The following SYNPO2 variants were observed in gnomAD, a reference collection of about 807,000 sequenced individuals.
The protein encoded by SYNPO2 is synaptopodin 2, also known as synaptopodin-2.
A neutral mutation model predicts 85.0 loss-of-function variants in SYNPO2; 56 were observed. The observed-to-expected ratio is 0.66, with a 90% confidence interval of 0.53 to 0.82. SYNPO2 has a LOEUF of 0.82. Among genes scored for constraint, SYNPO2 ranks in the 40% least tolerant of loss-of-function variants. The pLI, the probability that SYNPO2 is intolerant of heterozygous loss-of-function variation, is 0.00. For synonymous variants in SYNPO2, 602 were observed against 591.1 expected, an observed-to-expected ratio of 1.02 and a Z score of -0.27; for missense variants, 1,575 against 1,534.2, an observed-to-expected ratio of 1.03 and a Z score of -0.44.
rs1161212819 is a variant in SYNPO2, at chr4:119,057,915, GA to G, written c.3768del (p.Trp1257GlyfsTer8). ...TACAACTACAACCCACACCCAAGGG[GA>G]TGGAGACGCCAAACATGAAAGTTAG... is the stretch of plus-strand genomic sequence containing the variant. ...ADYNYNPHPR[G>X]WRRQT is the part of the protein sequence containing the mutation. On this transcript the variant is annotated frameshift_variant, in exon 5 of 5. Transcript: ENST00000307142. LOFTEE classifies it high-confidence loss of function. 3 of 1,611,100 alleles carry G rather than the reference GA, an allele frequency of 1.9e-6. No individual in the cohort carries two copies. The African/African-American group carries it at 4.0e-5, about 22-fold the overall frequency.
At chr4:118,885,558 T>C (rs1167799158), upstream of SYNPO2, among the ~76,000 whole-genome samples, 1 of 151,606 alleles carries the variant, frequency 6.6e-6, no homozygotes, top group African/African-American at 2.4e-5. Context: ...CTGCAACCTC[T>C]GCCTCCCAGG....
At chr4:118,939,977 C>CTT (rs111485944) in intron 1 of SYNPO2, among the ~76,000 whole-genome samples, 41 of 119,720 alleles carry the variant, frequency 3.4e-4, no homozygotes, top group African/African-American at 1.1e-3. Flanking sequence ...TTTCTCTCTT[C>CTT]TTTTTTTTTT....
intron 1 of SYNPO2, among the ~76,000 whole-genome samples, chr4:118,992,960 C>G (rs1418447703): frequency 6.6e-6 from 1 of 152,152 alleles, no homozygotes; most frequent in Admixed American, 6.5e-5. Flanking sequence ...AAAGAGAAAG[C>G]ATTCTCTACT....
chr4:118,954,995 A>ATTTT (rs143188478), intron 1 of SYNPO2, among the ~76,000 whole-genome samples: 1 of 131,024 alleles, frequency 7.6e-6, no homozygotes, highest in African/African-American at 2.9e-5. Context: ...ATTCTGTGCA[A>ATTTT]TTTTTTTTTT....
At chr4:118,979,455 T>TA (rs1735923669) in intron 1 of SYNPO2, among the ~76,000 whole-genome samples, 1 of 152,220 alleles carries the variant, frequency 6.6e-6, no homozygotes, top group East Asian at 1.9e-4. Context: ...AATCATATAC[T>TA]ACCATCTTGT....
intron 1 of SYNPO2, among the ~76,000 whole-genome samples, chr4:118,912,953 A>G (rs1578543714): frequency 6.6e-6 from 1 of 152,194 alleles, no homozygotes; most frequent in African/African-American, 2.4e-5. Flanking sequence ...AGTTGGGTCT[A>G]TGACCATTAG....
intron 1 of SYNPO2, among the ~76,000 whole-genome samples, chr4:118,924,458 C>T (rs1301174731): frequency 6.6e-6 from 1 of 152,184 alleles, no homozygotes; most frequent in Non-Finnish European, 1.5e-5. Context: ...TTTCCCCAAA[C>T]ATGCATTCTG....
At chr4:118,944,285 G>C (rs1363273114) in intron 1 of SYNPO2, among the ~76,000 whole-genome samples, 1 of 152,110 alleles carries the variant, frequency 6.6e-6, no homozygotes, top group East Asian at 1.9e-4. Context: ...ATTCATTGCA[G>C]TTTGCCTGGG....
At position 118,906,874 on chromosome 4, in the gene SYNPO2, G is replaced by A. The variant is rs1732954506; in HGVS notation, c.105+17733G>A. ...AGTTTGCCCAGGCTGGACTGTAGTG[G>A]CACCATCATAGCTCACTACAGCCTC... On this transcript the variant is annotated intron_variant, in intron 1 of 4. Coordinates refer to ENST00000307142, the MANE Select transcript of SYNPO2 (RefSeq NM_133477.3). Among the ~76,000 whole-genome samples, 3 of 151,908 alleles carry A rather than the reference G, an allele frequency of 2.0e-5. No homozygotes were observed. In the South Asian group the frequency reaches 6.3e-4, roughly 32 times the overall value.
At chr4:118,976,559 C>T (rs1735751062) in intron 1 of SYNPO2, among the ~76,000 whole-genome samples, 1 of 152,174 alleles carries the variant, frequency 6.6e-6, no homozygotes, top group South Asian at 2.1e-4. Flanking sequence ...GCCGAGTGGC[C>T]TGTTTTGTCA....
chr4:118,941,893 G>A (rs1315955211), intron 1 of SYNPO2, among the ~76,000 whole-genome samples: 3 of 152,220 alleles, frequency 2.0e-5, no homozygotes, highest in Non-Finnish European at 2.9e-5. Context: ...AAGGCAAGGC[G>A]AGTCAGGGGA....
At chr4:118,971,534 T>A (rs6827149) in intron 1 of SYNPO2, among the ~76,000 whole-genome samples, 121,537 of 152,242 alleles carry the variant, frequency 0.8, 48,901 homozygotes, top group South Asian at 0.89. Context: ...AATTAATGTT[T>A]ATTACATTAA....
chr4:118,937,638 C>G (rs990058382), intron 1 of SYNPO2, among the ~76,000 whole-genome samples: 2 of 151,932 alleles, frequency 1.3e-5, no homozygotes, highest in African/African-American at 4.8e-5. Flanking sequence ...TGGCAGTTGA[C>G]CTTGAATACT....
intron 1 of SYNPO2, among the ~76,000 whole-genome samples, chr4:118,974,810 G>A (rs938590777): frequency 6.6e-6 from 1 of 152,072 alleles, no homozygotes; most frequent in African/African-American, 2.4e-5. Context: ...TGCTTCAAAT[G>A]TTGTCTCTTA....
intron 4 of SYNPO2, chr4:119,032,376 A>G: frequency 1.7e-6 from 2 of 1,199,758 alleles, no homozygotes; most frequent in Non-Finnish European, 2.1e-6. Flanking sequence ...GATATCAAAC[A>G]TCAGGAATCA....
intron 4 of SYNPO2, among the ~76,000 whole-genome samples, chr4:119,050,140 T>C (rs1738990775): frequency 6.6e-6 from 1 of 152,118 alleles, no homozygotes; most frequent in South Asian, 2.1e-4. Flanking sequence ...AAGGCCAGCC[T>C]GGCCAACATG....
chr4:118,871,798 T>C (rs1238927015), intron 1 of SYNPO2, among the ~76,000 whole-genome samples: 2 of 152,156 alleles, frequency 1.3e-5, no homozygotes, highest in Non-Finnish European at 2.9e-5. Context: ...CTCGATCTCC[T>C]GACCTCGTAA....
At chr4:118,879,203 C>A (rs902221163) in intron 1 of SYNPO2, among the ~76,000 whole-genome samples, 27 of 152,308 alleles carry the variant, frequency 1.8e-4, no homozygotes, top group Middle Eastern at 3.4e-3. Context: ...AACGGTAACA[C>A]TCACCGATAA....
chr4:118,949,706 G>A (rs1225000547), intron 1 of SYNPO2, among the ~76,000 whole-genome samples: 1 of 151,920 alleles, frequency 6.6e-6, no homozygotes, highest in Non-Finnish European at 1.5e-5. Flanking sequence ...CCCAGATCAA[G>A]CCACTGCACT....
Sources: allele counts gnomAD v4.1 joint callset (sites outside exome capture counted in the v4.1 genomes callset), GRCh38; gene constraint gnomAD v4.1.1; transcripts MANE v1.5; gene names NCBI Gene and HGNC (gene_info 2026-07-23, HGNC 2026-07-21).